The following CPEB1 variants were observed in gnomAD, a reference collection of about 807,000 sequenced individuals.
The protein encoded by CPEB1 is cytoplasmic polyadenylation element binding protein 1, also known as cytoplasmic polyadenylation element-binding protein 1.
A neutral mutation model predicts 65.8 loss-of-function variants in CPEB1; 7 were observed. The ratio of observed to expected loss-of-function variants is 0.11; its 90% CI spans 0.06 to 0.20. The LOEUF (loss-of-function observed/expected upper bound fraction) is 0.20, where lower values mean the gene tolerates loss of function less well. Ranked by LOEUF, CPEB1 falls within the 10% of genes least tolerant of loss-of-function variation. The pLI, the probability that CPEB1 is intolerant of heterozygous loss-of-function variation, is 1.00. For missense variants in CPEB1, 551 were observed against 712.2 expected, an observed-to-expected ratio of 0.77 and a Z score of 2.58; for synonymous variants, 262 against 260.0, an observed-to-expected ratio of 1.01 and a Z score of -0.08.
chr15:82,575,923 C>T (rs997192824), intron 3 of CPEB1, among the ~76,000 whole-genome samples: 4 of 152,166 alleles, frequency 2.6e-5, no homozygotes, highest in Non-Finnish European at 5.9e-5. Context: ...ATGGTCTGCC[C>T]ATTTCTTACA....
chr15:82,619,073 C>G (rs1408583470), intron 3 of CPEB1, among the ~76,000 whole-genome samples: 1 of 152,098 alleles, frequency 6.6e-6, no homozygotes, highest in Non-Finnish European at 1.5e-5. Flanking sequence ...TATTATAAAG[C>G]TACAATAATT....
intron 1 of CPEB1, among the ~76,000 whole-genome samples, chr15:82,635,728 G>C (rs1292927324): frequency 1.3e-5 from 2 of 152,196 alleles, no homozygotes; most frequent in Non-Finnish European, 2.9e-5. Flanking sequence ...AGTTAGCTAA[G>C]TGGAGATCAA....
chr15:82,559,748 T>C (rs2037869592), intron 4 of CPEB1, among the ~76,000 whole-genome samples: 1 of 152,216 alleles, frequency 6.6e-6, no homozygotes, highest in South Asian at 2.1e-4. Context: ...CTCAAAATGC[T>C]TGGATTGATA....
intron 1 of CPEB1, among the ~76,000 whole-genome samples, chr15:82,644,053 C>T (rs2047304979): frequency 6.6e-6 from 1 of 152,140 alleles, no homozygotes; most frequent in Non-Finnish European, 1.5e-5. Context: ...GGAGGGTCAC[C>T]CCCACAGTGG....
At chr15:82,608,855 C>T (rs1036508093) in intron 3 of CPEB1, among the ~76,000 whole-genome samples, 1 of 152,082 alleles carries the variant, frequency 6.6e-6, no homozygotes, top group African/African-American at 2.4e-5. Flanking sequence ...ACAACTAGAA[C>T]AGACACAAGA....
chr15:82,556,230 T>C (rs2150971044), intron 5 of CPEB1, 108 bp from the exon 6 acceptor site: 2 of 1,259,492 alleles, frequency 1.6e-6, no homozygotes, highest in South Asian at 1.7e-5. Flanking sequence ...TAGCATTTGA[T>C]ATATATTCTT....
intron 4 of CPEB1, among the ~76,000 whole-genome samples, chr15:82,565,005 G>A (rs746366904): frequency 3.3e-5 from 5 of 152,204 alleles, no homozygotes; most frequent in Admixed American, 6.5e-5. Flanking sequence ...GGGTGCCCCA[G>A]AATTAACACG....
At chr15:82,548,922 T>C (rs1000427245) in intron 10 of CPEB1, among the ~76,000 whole-genome samples, 9 of 152,268 alleles carry the variant, frequency 5.9e-5, no homozygotes, top group African/African-American at 2.2e-4. Context: ...GACTGGCGAA[T>C]TGACCTCCTT....
chr15:82,632,493 T>C (rs1379157550), intron 1 of CPEB1, among the ~76,000 whole-genome samples: 1 of 152,066 alleles, frequency 6.6e-6, no homozygotes, highest in Non-Finnish European at 1.5e-5. Flanking sequence ...GCTCGACATG[T>C]GTACTGTGTA....
At chr15:82,644,194 A>G (rs1312485167) in intron 1 of CPEB1, among the ~76,000 whole-genome samples, 1 of 152,192 alleles carries the variant, frequency 6.6e-6, no homozygotes, top group Admixed American at 6.5e-5. Flanking sequence ...GAAGACCCAC[A>G]CTGACTTCTA....
At position 82,605,688 on chromosome 15, in the gene CPEB1, G is replaced by C. The variant is rs187775687; in HGVS notation, c.271+21505C>G. Among the ~76,000 whole-genome samples, 8 of 152,268 alleles carry C rather than the reference G, an allele frequency of 5.3e-5. No homozygotes were observed. The East Asian group carries it at 1.5e-3, about 29-fold the overall frequency. ...AATTATATCTTAAAGCTAGGAAGAA[G>C]ACAAAAGATAGCTAAAGTTAATTAT... is the stretch of plus-strand genomic sequence containing the variant. On this transcript the variant is annotated intron_variant, in intron 3 of 12. Transcript: ENST00000684509.
chr15:82,595,152 T>A (rs971738328), intron 3 of CPEB1, among the ~76,000 whole-genome samples: 2 of 152,226 alleles, frequency 1.3e-5, no homozygotes, highest in Admixed American at 1.3e-4. Flanking sequence ...ATCTGTGAGG[T>A]GTGATAAAAT....
At chr15:82,631,167 G>A (rs1163226923) in intron 1 of CPEB1, among the ~76,000 whole-genome samples, 1 of 151,918 alleles carries the variant, frequency 6.6e-6, no homozygotes, top group Non-Finnish European at 1.5e-5. Context: ...CTATTTCAAG[G>A]AGTCTGAAAA....
intron 3 of CPEB1, among the ~76,000 whole-genome samples, chr15:82,617,726 T>TA (rs2044866732): frequency 9.4e-6 from 1 of 105,994 alleles, no homozygotes. Context: ...CTATTAAAGT[T>TA]TTTTTTTTTT....
chr15:82,568,266 A>G (rs1343347903), intron 4 of CPEB1, among the ~76,000 whole-genome samples: 2 of 152,194 alleles, frequency 1.3e-5, no homozygotes, highest in Non-Finnish European at 2.9e-5. Context: ...AATGGTGGTT[A>G]TTAGTCACTC....
intron 3 of CPEB1, among the ~76,000 whole-genome samples, chr15:82,590,256 T>C (rs1229870142): frequency 1.3e-5 from 2 of 148,582 alleles, no homozygotes; most frequent in Non-Finnish European, 3.0e-5. Flanking sequence ...GTTAGTCTCA[T>C]TAATTCCTAA....
At position 82,573,372 on chromosome 15, in the gene CPEB1, A is replaced by C. The variant is rs76738671; in HGVS notation, c.272-1840T>G. ...GGCAAAGGCCTAGCAAAAATCACCC[A>C]TACTGGTGCTGCCCCTACCCCTGAC... On this transcript the variant is annotated intron_variant, in intron 3 of 12. Transcript: ENST00000684509. Among the ~76,000 whole-genome samples, 58 of 140,202 alleles carry C rather than the reference A, an allele frequency of 4.1e-4. No individual in the cohort carries two copies. In the East Asian group the frequency reaches 0.012, roughly 30 times the overall value. 92.0% of individuals were successfully genotyped at this position (140,202 alleles called of 152,430 possible).
intron 3 of CPEB1, among the ~76,000 whole-genome samples, chr15:82,584,288 C>T (rs1476332206): frequency 1.4e-5 from 2 of 141,162 alleles, no homozygotes; most frequent in Non-Finnish European, 3.0e-5. Flanking sequence ...AAAAAAGCTA[C>T]GTTTCAGTTA....
intron 1 of CPEB1, among the ~76,000 whole-genome samples, chr15:82,643,414 G>C (rs920918066): frequency 1.8e-4 from 27 of 152,050 alleles, no homozygotes; most frequent in Admixed American, 1.5e-3. Context: ...GACAGATCAC[G>C]AGGTCAGGAG....
Sources: gnomAD v4.1 joint callset for allele counts (sites outside exome capture counted in the v4.1 genomes callset) on GRCh38, gnomAD v4.1.1 for gene constraint, MANE v1.5 for transcripts, NCBI Gene and HGNC (gene_info 2026-07-23, HGNC 2026-07-21) for gene names.